ULK4: variants seen among roughly 807,000 people sequenced by gnomAD.
The protein encoded by ULK4 is unc-51 like kinase 4, also known as inactive serine/threonine-protein kinase ULK4.
In ULK4, 133 loss-of-function variants were observed where a neutral mutation model predicts 160.6. That is an observed-to-expected ratio of 0.83 (90% CI 0.72 to 0.96). ULK4 has a LOEUF of 0.96. ULK4 is among the 40% of genes least tolerant of loss of function. ULK4 has a pLI of 0.00. For missense variants in ULK4, 1,580 were observed against 1,499.5 expected (o/e 1.05, Z -0.89); for synonymous variants, 534 against 539.8 (o/e 0.99, Z 0.15).
At chr3:41,838,427 A>T (rs1029803981) in intron 17 of ULK4, among the ~76,000 whole-genome samples, 1 of 152,224 alleles carries the variant, frequency 6.6e-6, no homozygotes, top group Non-Finnish European at 1.5e-5. Context: ...CGGTGACACC[A>T]GTAGACTGTT....
intron 17 of ULK4, among the ~76,000 whole-genome samples, chr3:41,873,224 C>CTTTTT (rs1173793427): frequency 2.8e-5 from 3 of 106,306 alleles, no homozygotes; most frequent in South Asian, 2.8e-4. Flanking sequence ...AGTTGCCTTT[C>CTTTTT]TTTTTTTTTT....
At chr3:41,409,977 T>G (rs533373577) in intron 34 of ULK4, among the ~76,000 whole-genome samples, 1 of 150,902 alleles carries the variant, frequency 6.6e-6, no homozygotes, top group Non-Finnish European at 1.5e-5. Context: ...AAAATGCAAA[T>G]TAAAACCACC....
rs557883614 is a variant in ULK4, at chr3:41,524,894, C to T, written c.3226+41131G>A. Among the ~76,000 whole-genome samples, 7 of 152,082 alleles carry T rather than the reference C, an allele frequency of 4.6e-5. 1 individual carries two copies. The highest frequency in any genetic ancestry group is 7.2e-5 in the African/African-American group (3 of 41,490). The stretch of plus-strand genomic sequence containing the variant: ...TGGAGGTTGCAGTGAGCCAAGATCG[C>T]GTCACTGCACTCCAGTCTGGCGATA... On this transcript the variant is annotated intron_variant, in intron 32 of 36. Transcript: ENST00000301831.
At chr3:41,459,455 C>T (rs1044232614) in intron 33 of ULK4, among the ~76,000 whole-genome samples, 6 of 152,190 alleles carry the variant, frequency 3.9e-5, no homozygotes, top group Non-Finnish European at 8.8e-5. Flanking sequence ...CAATTCAACA[C>T]TTACTGTGCT....
At chr3:41,571,905 G>A (rs2087988742) in intron 31 of ULK4, among the ~76,000 whole-genome samples, 2 of 152,178 alleles carry the variant, frequency 1.3e-5, no homozygotes, top group South Asian at 4.1e-4. Context: ...CCTGCAACAA[G>A]GCCTTTGGGA....
chr3:41,646,214 T>G (rs1198615362), intron 30 of ULK4, among the ~76,000 whole-genome samples: 1 of 152,220 alleles, frequency 6.6e-6, no homozygotes, highest in Non-Finnish European at 1.5e-5. Flanking sequence ...TATTGTTATG[T>G]GTGAATTTGA....
chr3:41,958,043 CAAAA>C (rs60057307), intron 1 of ULK4, among the ~76,000 whole-genome samples: 4 of 118,492 alleles, frequency 3.4e-5, no homozygotes, highest in East Asian at 2.3e-4. Flanking sequence ...GACCCTTTCT[CAAAA>C]AAAAAAAAAA....
At chr3:41,452,867 C>G (rs965442781) in intron 34 of ULK4, among the ~76,000 whole-genome samples, 1 of 152,072 alleles carries the variant, frequency 6.6e-6, no homozygotes, top group Non-Finnish European at 1.5e-5. Flanking sequence ...AACAGAATGG[C>G]TTTTGAATCA....
intron 35 of ULK4, among the ~76,000 whole-genome samples, chr3:41,367,883 A>G (rs901682162): frequency 2.6e-5 from 4 of 152,188 alleles, no homozygotes; most frequent in African/African-American, 9.7e-5. Context: ...GTATGCAGGT[A>G]TACACATATG....
chr3:41,379,667 A>C (rs2081603359), intron 35 of ULK4, among the ~76,000 whole-genome samples: 1 of 152,196 alleles, frequency 6.6e-6, no homozygotes, highest in South Asian at 2.1e-4. Flanking sequence ...CTAAGCAGAA[A>C]GACTGGAAGG....
At chr3:41,327,563 T>C (rs1157087697) in intron 35 of ULK4, among the ~76,000 whole-genome samples, 13 of 152,128 alleles carry the variant, frequency 8.5e-5, no homozygotes, top group Admixed American at 2.0e-4. Context: ...CACCTCTTCA[T>C]TGTAGAATAG....
chr3:41,334,213 C>T (rs1392045444), intron 35 of ULK4, among the ~76,000 whole-genome samples: 1 of 152,168 alleles, frequency 6.6e-6, no homozygotes, highest in Non-Finnish European at 1.5e-5. Context: ...GGGCTGTAAA[C>T]TGGCAAGGGC....
At chr3:41,839,070 C>G (rs1321400511) in intron 17 of ULK4, among the ~76,000 whole-genome samples, 1 of 152,152 alleles carries the variant, frequency 6.6e-6, no homozygotes, top group Admixed American at 6.6e-5. Context: ...GATTTTACGG[C>G]CAGGCAAGGT....
intron 8 of ULK4, among the ~76,000 whole-genome samples, chr3:41,913,567 C>A (rs1419237449): frequency 6.6e-6 from 1 of 152,114 alleles, no homozygotes; most frequent in Non-Finnish European, 1.5e-5. Context: ...ATCTATAATC[C>A]TGTCATCCTT....
intron 31 of ULK4, among the ~76,000 whole-genome samples, chr3:41,606,633 GTTA>G (rs1261165458): frequency 6.6e-6 from 1 of 151,890 alleles, no homozygotes; most frequent in African/African-American, 2.4e-5. Flanking sequence ...GTCAGCACTT[GTTA>G]TTTTTTGTCA....
intron 20 of ULK4, among the ~76,000 whole-genome samples, chr3:41,790,166 G>C (rs2040107422): frequency 6.6e-6 from 1 of 152,144 alleles, no homozygotes; most frequent in Admixed American, 6.6e-5. Context: ...AATGAACTAA[G>C]TGCTGAAAAA....
chr3:41,339,398 C>A (rs1427773162), intron 35 of ULK4, among the ~76,000 whole-genome samples: 1 of 152,136 alleles, frequency 6.6e-6, no homozygotes, highest in Non-Finnish European at 1.5e-5. Context: ...ACCCTGGCCT[C>A]AAGTGGTACA....
chr3:41,490,908 C>T (rs1368180844), intron 32 of ULK4, among the ~76,000 whole-genome samples: 1 of 152,064 alleles, frequency 6.6e-6, no homozygotes, highest in South Asian at 2.1e-4. Flanking sequence ...CCAATCAGTG[C>T]TCAATAAATG....
intron 16 of ULK4, among the ~76,000 whole-genome samples, chr3:41,890,735 AAGGGACAGG>A (rs1432232783): frequency 2.2e-5 from 1 of 45,386 alleles, no homozygotes; most frequent in African/African-American, 8.0e-5. Flanking sequence ...GGAGGGAAGG[AAGGGACAGG>A]AGGGACGGGA....
Sources: allele counts gnomAD v4.1 joint callset (sites outside exome capture counted in the v4.1 genomes callset), GRCh38; gene constraint gnomAD v4.1.1; transcripts MANE v1.5; gene names NCBI Gene and HGNC (gene_info 2026-07-23, HGNC 2026-07-21).